Variants in PLCB4 observed in about 807,000 individuals in gnomAD.
PLCB4 encodes the protein phospholipase C beta 4, also known as 1-phosphatidylinositol 4,5-bisphosphate phosphodiesterase beta-4.
PLCB4 carries 77 observed loss-of-function variants against 178.8 expected under a neutral mutation model. The ratio of observed to expected loss-of-function variants is 0.43; its 90% CI spans 0.36 to 0.52. PLCB4 has a LOEUF of 0.52. Ranked by LOEUF, PLCB4 falls within the 20% of genes least tolerant of loss-of-function variation. The pLI is 0.00. For synonymous variants in PLCB4, 496 were observed against 490.8 expected (o/e 1.01, Z -0.14); for missense variants, 1,024 against 1,453.4 (o/e 0.70, Z 4.80).
chr20:9,464,378 G>A (rs761651575), intron 35 of PLCB4, among the ~76,000 whole-genome samples: 3 of 152,088 alleles, frequency 2.0e-5, no homozygotes, highest in Admixed American at 6.6e-5. Flanking sequence ...AACTAGAGAC[G>A]CAAGAGCAAA....
intron 2 of PLCB4, among the ~76,000 whole-genome samples, chr20:9,164,712 C>CTTAA (rs2092942231): frequency 6.6e-6 from 1 of 152,056 alleles, no homozygotes; most frequent in African/African-American, 2.4e-5. Context: ...GCAGTGTTGA[C>CTTAA]TTAATTATCT....
chr20:9,179,523 CAGAACTGT>C (rs2093211074), intron 2 of PLCB4, among the ~76,000 whole-genome samples: 1 of 152,184 alleles, frequency 6.6e-6, no homozygotes, highest in African/African-American at 2.4e-5. Flanking sequence ...TTCTGATCTA[CAGAACTGT>C]AAGATGACAT....
At chr20:9,392,238 A>G (rs1189452219) in intron 17 of PLCB4, among the ~76,000 whole-genome samples, 3 of 152,254 alleles carry the variant, frequency 2.0e-5, no homozygotes, top group Non-Finnish European at 4.4e-5. Flanking sequence ...AAGCAAGGGA[A>G]GAATGAAGCA....
chr20:9,265,908 G>T (rs566023100), intron 3 of PLCB4, among the ~76,000 whole-genome samples: 1 of 152,276 alleles, frequency 6.6e-6, no homozygotes, highest in Admixed American at 6.5e-5. Flanking sequence ...AAGCATCTTG[G>T]GAATGGGTCC....
chr20:9,440,986 G>A (rs1015647776), intron 30 of PLCB4, among the ~76,000 whole-genome samples: 8 of 152,282 alleles, frequency 5.3e-5, no homozygotes, highest in South Asian at 2.1e-4. Context: ...TTAACATCCC[G>A]TTTACAACTG....
Position 9,479,775 on chromosome 20 carries a change from A to G in PLCB4, c.*766A>G, listed in dbSNP as rs1197426989. 6.5e-6 allele frequency: 1 copy of G among 152,684 alleles called. No homozygotes were observed. The highest frequency in any genetic ancestry group is 2.4e-5 in the African/African-American group (1 of 41,466). 9.5% of individuals were successfully genotyped at this position (152,684 alleles called of 1,614,324 possible). Reference sequence around the variant, plus strand: ...AACGTTTGTAAATGTGACCATGTATAAAGTATTTATACTCTTTAATTCACA... The same window carrying G: ...AACGTTTGTAAATGTGACCATGTATGAAGTATTTATACTCTTTAATTCACA... On this transcript the variant is annotated 3_prime_UTR_variant, in exon 40 of 40. Coordinates refer to ENST00000378473, the MANE Select transcript of PLCB4 (RefSeq NM_001377142.1).
intron 12 of PLCB4, among the ~76,000 whole-genome samples, chr20:9,378,915 T>C (rs913231362): frequency 2.6e-5 from 4 of 152,118 alleles, no homozygotes; most frequent in African/African-American, 7.2e-5. Context: ...CCAAAGCAAA[T>C]AGGGAAGGGA....
intron 14 of PLCB4, 144 bp from the exon 15 acceptor site, chr20:9,387,319 A>G (rs566668413): frequency 5.0e-5 from 27 of 545,258 alleles, no homozygotes; most frequent in Non-Finnish European, 8.7e-5. Flanking sequence ...TTTAACCTGT[A>G]TATGCCATGA....
intron 2 of PLCB4, among the ~76,000 whole-genome samples, chr20:9,209,963 CAAAAAAA>C (rs58424232): frequency 8.3e-5 from 4 of 47,938 alleles, no homozygotes; most frequent in Non-Finnish European, 1.6e-4. Flanking sequence ...GACTCTGTCT[CAAAAAAA>C]AAAAAAAAAA....
chr20:9,190,171 T>C (rs561816950), intron 2 of PLCB4, among the ~76,000 whole-genome samples: 4 of 152,108 alleles, frequency 2.6e-5, no homozygotes, highest in Non-Finnish European at 4.4e-5. Context: ...AATTAGCACA[T>C]GGCCATTTGG....
chr20:9,435,152 A>T (rs1271430695), intron 28 of PLCB4, among the ~76,000 whole-genome samples: 2 of 152,172 alleles, frequency 1.3e-5, no homozygotes, highest in Admixed American at 1.3e-4. Context: ...TTGAATTATC[A>T]TGATTATTCT....
intron 3 of PLCB4, among the ~76,000 whole-genome samples, chr20:9,236,762 A>G (rs772174023): frequency 2.3e-4 from 35 of 152,344 alleles, no homozygotes; most frequent in South Asian, 6.2e-4. Flanking sequence ...TAACAATGTC[A>G]GATGAGATCA....
At chr20:9,103,945 A>G (rs1022403686) in intron 2 of PLCB4, among the ~76,000 whole-genome samples, 5 of 152,054 alleles carry the variant, frequency 3.3e-5, no homozygotes, top group Non-Finnish European at 7.4e-5. Context: ...TTTCTCATTG[A>G]TAAGCACTAT....
chr20:9,075,797 C>A (rs1421713145), intron 1 of PLCB4, among the ~76,000 whole-genome samples: 3 of 152,212 alleles, frequency 2.0e-5, no homozygotes, highest in Non-Finnish European at 4.4e-5. Flanking sequence ...TATTTGGAGT[C>A]TTCTCATTTT....
intron 28 of PLCB4, among the ~76,000 whole-genome samples, chr20:9,427,327 CAGCCCAGA>C (rs2041088742): frequency 6.6e-6 from 1 of 151,054 alleles, no homozygotes; most frequent in Admixed American, 6.6e-5. Flanking sequence ...TGTTTCTAAG[CAGCCCAGA>C]TGCAAAATGT....
chr20:9,169,266 CT>C (rs2147027476), intron 2 of PLCB4, among the ~76,000 whole-genome samples: 2 of 152,142 alleles, frequency 1.3e-5, no homozygotes, highest in South Asian at 2.1e-4. Context: ...TTCATAAAAA[CT>C]TTCCATGTCT....
intron 31 of PLCB4, 59 bp from the exon 32 acceptor site, chr20:9,444,119 T>C: frequency 7.0e-7 from 1 of 1,430,326 alleles, no homozygotes; most frequent in Non-Finnish European, 9.8e-7. Context: ...AGTGTAATCA[T>C]TGTGATTACA....
At chr20:9,429,390 G>A (rs2041243376) in intron 28 of PLCB4, among the ~76,000 whole-genome samples, 1 of 152,106 alleles carries the variant, frequency 6.6e-6, no homozygotes, top group African/African-American at 2.4e-5. Flanking sequence ...TAAACTAAAT[G>A]GGAAATAGGC....
intron 2 of PLCB4, among the ~76,000 whole-genome samples, chr20:9,120,447 C>T (rs1262142573): frequency 1.0e-5 from 1 of 98,994 alleles, no homozygotes; most frequent in Non-Finnish European, 2.6e-5. Context: ...CTTTTCTAAA[C>T]CTCTCTCTTC....
Sources: allele counts gnomAD v4.1 joint callset (sites outside exome capture counted in the v4.1 genomes callset), GRCh38; gene constraint gnomAD v4.1.1; transcripts MANE v1.5; gene names NCBI Gene and HGNC (gene_info 2026-07-23, HGNC 2026-07-21).